The following SLC22A25 variants were observed in gnomAD, a reference collection of about 807,000 sequenced individuals.
SLC22A25 encodes the protein MGI:2442751, MGI:2385316, MGI:3042283, MGI:3645714, MGI:3605624, MGI:2442750.
Under a neutral mutation model 45.9 loss-of-function variants are expected in SLC22A25, and 44 were observed. The observed-to-expected ratio is 0.96, with a 90% confidence interval of 0.75 to 1.23. The LOEUF (loss-of-function observed/expected upper bound fraction) is 1.23. Ranked by LOEUF, SLC22A25 falls within the 50% of genes most tolerant of loss-of-function variation. The pLI is 0.00. For synonymous variants in SLC22A25, 283 were observed against 238.6 expected, an observed-to-expected ratio of 1.19 and a Z score of -1.72; for missense variants, 800 against 666.4, an observed-to-expected ratio of 1.20 and a Z score of -2.21.
At chr11:63,239,163 A>G (rs2090208853) in intron 1 of SLC22A25, 28 bp from the exon 2 acceptor site, 1 of 152,836 alleles carries the variant, frequency 6.5e-6, no homozygotes, top group Non-Finnish European at 1.5e-5. Flanking sequence ...GACTGTATTC[A>G]GATAAGTTCA....
chr11:63,198,780 T>G (rs2089143484), intron 7 of SLC22A25, among the ~76,000 whole-genome samples: 1 of 151,846 alleles, frequency 6.6e-6, no homozygotes, highest in Non-Finnish European at 1.5e-5. Flanking sequence ...TACATGAAAA[T>G]TCAATAACCT....
At position 63,216,200 on chromosome 11, in the gene SLC22A25, A is replaced by G. The variant is rs114286956; in HGVS notation, c.830+1114T>C. Among the ~76,000 whole-genome samples, 669 of 152,352 alleles carry G rather than the reference A, an allele frequency of 4.4e-3. 6 individuals carry two copies. The highest frequency in any genetic ancestry group is 0.015 in the African/African-American group (632 of 41,576). ...CCATCTCACACTAATCAGAATGGCT[A>G]TTAATAACAAGTCAAAAAGTAACAG... On this transcript the variant is annotated intron_variant, in intron 7 of 11. Transcript: ENST00000306494.
rs1326143061 is a variant in SLC22A25, at chr11:63,162,169, C to G, written c.*1655G>C. 6.6e-6 allele frequency among the ~76,000 whole-genome samples: 1 copy of G among 152,088 alleles called. No homozygotes were observed. The highest frequency in any genetic ancestry group is 1.9e-4 in the East Asian group (1 of 5,194). ...TCCTTATATATTCTGGTGATTAGTC[C>G]TTTGTCAGAGGGGTAGTTTGCAAGT... is the stretch of plus-strand genomic sequence containing the variant. On this transcript the variant is annotated 3_prime_UTR_variant, in exon 12 of 12. Transcript: ENST00000306494.
chr11:63,166,441 T>C, intron 9 of SLC22A25, 183 bp from the exon 10 acceptor site: 1 of 1,419,880 alleles, frequency 7.0e-7, no homozygotes, highest in Non-Finnish European at 9.2e-7. Flanking sequence ...TAGATGATAG[T>C]GGTAACAATT....
intron 8 of SLC22A25, among the ~76,000 whole-genome samples, chr11:63,181,584 G>C (rs548648060): frequency 1.3e-5 from 2 of 151,934 alleles, no homozygotes; most frequent in African/African-American, 4.8e-5. Flanking sequence ...GTTTCAACAG[G>C]GATAATCTTG....
intron 9 of SLC22A25, among the ~76,000 whole-genome samples, chr11:63,173,039 TA>T (rs1010793732): frequency 5.9e-5 from 9 of 151,954 alleles, no homozygotes; most frequent in African/African-American, 1.7e-4. Context: ...TATGCAGCCA[TA>T]AAAAAAGATG....
At chr11:63,205,945 C>T (rs1424138507) in intron 7 of SLC22A25, among the ~76,000 whole-genome samples, 1 of 152,138 alleles carries the variant, frequency 6.6e-6, no homozygotes, top group Admixed American at 6.5e-5. Flanking sequence ...AAAAGCTTAT[C>T]CACCACCATC....
intron 7 of SLC22A25, among the ~76,000 whole-genome samples, chr11:63,214,231 C>G (rs2089653085): frequency 6.6e-6 from 1 of 152,102 alleles, no homozygotes; most frequent in Non-Finnish European, 1.5e-5. Flanking sequence ...TAGGAGTATA[C>G]AGTCAACTAT....
intron 5 of SLC22A25, among the ~76,000 whole-genome samples, chr11:63,218,868 A>G (rs562099777): frequency 1.1e-4 from 16 of 152,346 alleles, no homozygotes; most frequent in African/African-American, 3.1e-4. Context: ...TTGTTACTGT[A>G]TTGAAGGTCC....
At chr11:63,216,904 G>A (rs1050458675) in intron 7 of SLC22A25, among the ~76,000 whole-genome samples, 1 of 152,154 alleles carries the variant, frequency 6.6e-6, no homozygotes, top group Non-Finnish European at 1.5e-5. Flanking sequence ...GTATAAGCAT[G>A]TCCCATGAGA....
chr11:63,177,839 G>GTA (rs367824662), intron 9 of SLC22A25, among the ~76,000 whole-genome samples: 3 of 51,762 alleles, frequency 5.8e-5, no homozygotes, highest in Admixed American at 2.1e-4. Context: ...TATATAATGT[G>GTA]TATATATATA....
chr11:63,230,666 T>C (rs555466928), intron 3 of SLC22A25, among the ~76,000 whole-genome samples: 3 of 152,232 alleles, frequency 2.0e-5, no homozygotes, highest in Admixed American at 6.5e-5. Context: ...TTATTTTTAT[T>C]ATACTTTAAG....
At chr11:63,196,070 G>A (rs534996905) in intron 7 of SLC22A25, among the ~76,000 whole-genome samples, 1 of 152,260 alleles carries the variant, frequency 6.6e-6, no homozygotes, top group East Asian at 1.9e-4. Context: ...CTGAATCCCA[G>A]AATAGACCAA....
In SLC22A25 at chr11:63,229,879, A is replaced by G. The variant is rs150166251; in HGVS notation, c.-227T>C. Reference sequence around the variant, plus strand: ...TCTGTTTTCTTTAGGGTCACATAAGAAATAATTGGCTCAGATACTTCCAAC... The same window carrying G: ...TCTGTTTTCTTTAGGGTCACATAAGGAATAATTGGCTCAGATACTTCCAAC... On this transcript the variant is annotated 5_prime_UTR_variant, in exon 4 of 12. Transcript: ENST00000306494. Among the ~76,000 whole-genome samples, 7 of 152,274 alleles carry G rather than the reference A, an allele frequency of 4.6e-5. No homozygotes were observed. The highest frequency in any genetic ancestry group is 1.3e-4 in the Admixed American group (2 of 15,286).
intron 3 of SLC22A25, among the ~76,000 whole-genome samples, chr11:63,236,410 G>A (rs1356455968): frequency 3.3e-5 from 5 of 152,220 alleles, no homozygotes; most frequent in Non-Finnish European, 7.3e-5. Context: ...CTAGCAATGA[G>A]TGAGGCTCTA....
chr11:63,160,258 A>C lies in SLC22A25; in HGVS notation c.*3566T>G, dbSNP rs1230683751. ...CTTCCTATCACAGGCCTGGAGGCCT[A>C]GGAGGTCCAGGTGCCCCTGCTGTGT... On this transcript the variant is annotated 3_prime_UTR_variant, in exon 12 of 12. Transcript: ENST00000306494. Among the ~76,000 whole-genome samples, 2 of 152,084 alleles carry C rather than the reference A, an allele frequency of 1.3e-5. No individual in the cohort carries two copies. The highest frequency in any genetic ancestry group is 2.9e-5 in the Non-Finnish European group (2 of 67,974).
chr11:63,167,029 G>C, intron 9 of SLC22A25: 1 of 208,768 alleles, frequency 4.8e-6, no homozygotes, highest in Non-Finnish European at 8.3e-6. Context: ...AGCCCACGGA[G>C]GGTAAGCTGA....
At chr11:63,167,109 G>A (rs1232956053) in intron 9 of SLC22A25, 1 of 152,464 alleles carries the variant, frequency 6.6e-6, no homozygotes, top group Non-Finnish European at 1.5e-5. Flanking sequence ...ACCCAAGGAA[G>A]CCATAGGGAC....
At chr11:63,210,198 C>T (rs2134798520) in intron 7 of SLC22A25, among the ~76,000 whole-genome samples, 1 of 152,280 alleles carries the variant, frequency 6.6e-6, no homozygotes, top group South Asian at 2.1e-4. Context: ...AAGATGAAAC[C>T]TTCAGAAGCC....
Sources: gnomAD v4.1 joint callset for allele counts (sites outside exome capture counted in the v4.1 genomes callset) on GRCh38, gnomAD v4.1.1 for gene constraint, MANE v1.5 for transcripts, NCBI Gene and HGNC (gene_info 2026-07-23, HGNC 2026-07-21) for gene names.